COL22A1: variants seen among roughly 807,000 people sequenced by gnomAD.
COL22A1 encodes collagen alpha-1(XXII) chain.
Under a neutral mutation model 248.9 loss-of-function variants are expected in COL22A1, and 221 were observed. The observed-to-expected ratio is 0.89, with a 90% CI of 0.80 to 0.99. COL22A1 has a LOEUF of 0.99. Among genes scored for constraint, COL22A1 ranks in the 50% least tolerant of loss-of-function variants. The pLI is 0.00. For synonymous variants in COL22A1, 891 were observed against 793.4 expected (o/e 1.12, Z -2.07); for missense variants, 2,240 against 2,179.0 (o/e 1.03, Z -0.56).
intron 16 of COL22A1, among the ~76,000 whole-genome samples, chr8:138,765,689 G>T (rs1049120038): frequency 6.6e-6 from 1 of 152,246 alleles, no homozygotes; most frequent in Non-Finnish European, 1.5e-5. Context: ...ACACTGTGCA[G>T]GTGTGGTCAC....
chr8:138,796,269 G>C (rs1362646076), intron 12 of COL22A1, among the ~76,000 whole-genome samples: 1 of 151,900 alleles, frequency 6.6e-6, no homozygotes, highest in African/African-American at 2.4e-5. Context: ...AACATGCATA[G>C]CTGGGGAGAA....
chr8:138,742,042 G>A (rs1831619449), intron 22 of COL22A1, among the ~76,000 whole-genome samples: 1 of 151,324 alleles, frequency 6.6e-6, no homozygotes, highest in Non-Finnish European at 1.5e-5. Context: ...TGGTGGAGTT[G>A]ATGGTGATGG....
At chr8:138,847,316 T>C (rs1377764471) in intron 3 of COL22A1, among the ~76,000 whole-genome samples, 3 of 152,212 alleles carry the variant, frequency 2.0e-5, no homozygotes, top group African/African-American at 7.2e-5. Flanking sequence ...TGGGGTTCGT[T>C]ATGATTTTGA....
intron 52 of COL22A1, among the ~76,000 whole-genome samples, chr8:138,620,971 AT>A (rs1819743106): frequency 1.8e-5 from 2 of 109,870 alleles, no homozygotes; most frequent in African/African-American, 5.7e-5. Flanking sequence ...CCATCCATCC[AT>A]CCATCCATCC....
intron 1 of COL22A1, among the ~76,000 whole-genome samples, chr8:138,906,175 C>A (rs183363592): frequency 7.2e-5 from 11 of 152,186 alleles, no homozygotes; most frequent in Admixed American, 5.2e-4. Context: ...TTGAGACCAT[C>A]CTGGCTGACA....
At chr8:138,664,201 GCGCGCGCGCACACACACACA>G (rs1380067919) in intron 41 of COL22A1, among the ~76,000 whole-genome samples, 3 of 87,812 alleles carry the variant, frequency 3.4e-5, no homozygotes, top group Non-Finnish European at 4.9e-5. Context: ...GGGTGCGCGC[GCGCGCGCGCACACACACACA>G]CACACACACA....
intron 23 of COL22A1, among the ~76,000 whole-genome samples, chr8:138,734,490 G>A (rs940981790): frequency 1.3e-5 from 2 of 152,216 alleles, no homozygotes; most frequent in African/African-American, 2.4e-5. Flanking sequence ...GATATGTCAG[G>A]AAGAGTGAAT....
At chr8:138,860,308 G>A (rs1049623657) in intron 3 of COL22A1, among the ~76,000 whole-genome samples, 1 of 152,158 alleles carries the variant, frequency 6.6e-6, no homozygotes, top group African/African-American at 2.4e-5. Flanking sequence ...GGCAGAGTCA[G>A]GACTGGGCTA....
Position 138,772,985 on chromosome 8 carries a change from G to A in COL22A1, c.1803+2981C>T, listed in dbSNP as rs76125543. ...CTGGGAGGCGTCTCTGCAAAGCCCCGGCGCCGCGTGTGGCCTAGCTGCAGA... is the reference window on the plus strand; with the variant it reads ...CTGGGAGGCGTCTCTGCAAAGCCCCAGCGCCGCGTGTGGCCTAGCTGCAGA... On this transcript the variant is annotated intron_variant, in intron 16 of 64. Transcript: ENST00000303045. 2.1e-3 allele frequency among the ~76,000 whole-genome samples: 316 copies of A among 152,352 alleles called. 3 individuals are homozygous for A. Among genetic ancestry groups the A allele is most frequent in the East Asian group, 0.016 (84 of 5,190 alleles).
At chr8:138,652,734 GGT>G (rs1491432370) in intron 45 of COL22A1, among the ~76,000 whole-genome samples, 2 of 45,914 alleles carry the variant, frequency 4.4e-5, no homozygotes. Flanking sequence ...TTCCTTTTCT[GGT>G]TTTTTTTTTT....
intron 43 of COL22A1, among the ~76,000 whole-genome samples, chr8:138,661,558 G>A (rs929778646): frequency 3.9e-5 from 6 of 152,196 alleles, no homozygotes; most frequent in Non-Finnish European, 8.8e-5. Flanking sequence ...CTGAGCAAAG[G>A]CCAAACAATG....
rs115695244 is a variant in COL22A1, at chr8:138,788,719, C to T, written c.1597-7739G>A. Among the ~76,000 whole-genome samples, 270 of 152,068 alleles carry T rather than the reference C, an allele frequency of 1.8e-3. 3 individuals are homozygous for T. The East Asian group carries it at 0.018, about 10-fold the overall frequency. ...AATAAGACCTCATTAATGCTGAGGG[C>T]GCAGAAGACGTCATTTGGTTTATAA... On this transcript the variant is annotated intron_variant, in intron 12 of 64. Transcript: ENST00000303045.
intron 12 of COL22A1, among the ~76,000 whole-genome samples, chr8:138,793,305 G>A (rs949499679): frequency 3.3e-5 from 5 of 151,958 alleles, no homozygotes; most frequent in Admixed American, 6.6e-5. Context: ...CAATTCCCTC[G>A]GCCCACTCTG....
At chr8:138,806,123 G>GTGT (rs1817677041) in intron 10 of COL22A1, among the ~76,000 whole-genome samples, 1 of 84,770 alleles carries the variant, frequency 1.2e-5, no homozygotes, top group African/African-American at 4.5e-5. Context: ...TGATGGTGTA[G>GTGT]GTAATGGTGT....
intron 60 of COL22A1, among the ~76,000 whole-genome samples, chr8:138,599,349 G>A (rs2131821053): frequency 6.6e-6 from 1 of 152,172 alleles, no homozygotes. Context: ...CGTGGTGGCA[G>A]GTGCCTGTAG....
intron 2 of COL22A1, among the ~76,000 whole-genome samples, chr8:138,882,248 T>G (rs73351994): frequency 8.0e-4 from 122 of 152,070 alleles, no homozygotes; most frequent in African/African-American, 2.8e-3. Context: ...TCTCTCCTCC[T>G]CTCGCAGGAA....
intron 41 of COL22A1, among the ~76,000 whole-genome samples, chr8:138,670,531 G>A (rs1824927057): frequency 6.6e-6 from 1 of 152,142 alleles, no homozygotes. Flanking sequence ...TAATTCTTGG[G>A]ACAGCGTCAG....
At chr8:138,866,696 C>T (rs576595202) in intron 3 of COL22A1, among the ~76,000 whole-genome samples, 7 of 152,372 alleles carry the variant, frequency 4.6e-5, no homozygotes, top group African/African-American at 1.7e-4. Flanking sequence ...GCCCCATGGC[C>T]AGGCAGCGCT....
chr8:138,807,762 A>G lies in COL22A1; in HGVS notation c.1494+6T>C. The G allele has an allele frequency of 6.2e-7, 1 of 1,613,798 alleles. No homozygotes were observed. The highest frequency in any genetic ancestry group is 8.5e-7 in the Non-Finnish European group (1 of 1,179,714). On this transcript the variant is annotated splice_donor_region_variant and intron_variant, in intron 10 of 64. Transcript: ENST00000303045. Reference sequence around the variant, plus strand: ...TAAACTACACCTCTGCCATGCCTGTACTGACCTTTGGACCAGGGAGCCCCA... The same window carrying G: ...TAAACTACACCTCTGCCATGCCTGTGCTGACCTTTGGACCAGGGAGCCCCA...
Sources: allele counts gnomAD v4.1 joint callset (sites outside exome capture counted in the v4.1 genomes callset), GRCh38; gene constraint gnomAD v4.1.1; transcripts MANE v1.5; gene names NCBI Gene and HGNC (gene_info 2026-07-23, HGNC 2026-07-21).